Variants in ADAM12 observed in about 807,000 individuals in gnomAD.
ADAM12 encodes disintegrin and metalloproteinase domain-containing protein 12.
Under a neutral mutation model 106.4 loss-of-function variants are expected in ADAM12, and 70 were observed. The ratio of observed to expected loss-of-function variants is 0.66; its 90% CI spans 0.54 to 0.80. ADAM12 has a LOEUF of 0.80. Among genes scored for constraint, ADAM12 ranks in the 30% least tolerant of loss-of-function variants. The pLI, the probability that ADAM12 is intolerant of heterozygous loss-of-function variation, is 0.00. For missense variants in ADAM12, 1,010 were observed against 1,171.9 expected, an observed-to-expected ratio of 0.86 and a Z score of 2.02; for synonymous variants, 420 against 433.5, an observed-to-expected ratio of 0.97 and a Z score of 0.39.
Position 126,067,424 on chromosome 10 carries a change from G to A in ADAM12, c.1324-618C>T, listed in dbSNP as rs115666571. 7.9e-3 allele frequency among the ~76,000 whole-genome samples: 1,197 copies of A among 152,018 alleles called. 19 individuals are homozygous for A. Among genetic ancestry groups the A allele is most frequent in the African/African-American group, 0.028 (1,153 of 41,262 alleles). On this transcript the variant is annotated intron_variant, in intron 12 of 22. Coordinates refer to ENST00000448723, the MANE Select transcript of ADAM12 (RefSeq NM_001288973.2). ...CAAGCAAGTGGCCGGCAGGAGGCCTGTGGGCTGTGCCCATTGATTTGCGAG... is the reference window on the plus strand; with the variant it reads ...CAAGCAAGTGGCCGGCAGGAGGCCTATGGGCTGTGCCCATTGATTTGCGAG...
At chr10:126,317,358 A>G (rs1853915467) in intron 2 of ADAM12, among the ~76,000 whole-genome samples, 1 of 152,194 alleles carries the variant, frequency 6.6e-6, no homozygotes, top group African/African-American at 2.4e-5. Flanking sequence ...TTTTTGACCA[A>G]ATCTTTAAAC....
intron 1 of ADAM12, among the ~76,000 whole-genome samples, chr10:126,361,685 A>G (rs189719385): frequency 1.3e-5 from 2 of 152,320 alleles, no homozygotes; most frequent in East Asian, 3.9e-4. Flanking sequence ...ACATGATAGA[A>G]AAAGTGCAGT....
chr10:126,204,969 T>G (rs1258238868), intron 3 of ADAM12, among the ~76,000 whole-genome samples: 1 of 152,196 alleles, frequency 6.6e-6, no homozygotes, highest in East Asian at 1.9e-4. Flanking sequence ...CCCAGGTTCT[T>G]GGCCAGGGTG....
chr10:126,330,866 C>G (rs1426090501), intron 1 of ADAM12, among the ~76,000 whole-genome samples: 1 of 152,186 alleles, frequency 6.6e-6, no homozygotes, highest in Non-Finnish European at 1.5e-5. Flanking sequence ...AGGATCTGCT[C>G]TGTATTAAAA....
chr10:126,332,182 C>T (rs575305869), intron 1 of ADAM12, among the ~76,000 whole-genome samples: 1 of 152,214 alleles, frequency 6.6e-6, no homozygotes, highest in Non-Finnish European at 1.5e-5. Flanking sequence ...TGGTGACAGG[C>T]ACTCTTGTCA....
At chr10:126,245,046 G>T (rs1414455590) in intron 3 of ADAM12, among the ~76,000 whole-genome samples, 1 of 152,204 alleles carries the variant, frequency 6.6e-6, no homozygotes. Context: ...ATGGTAAGCA[G>T]GAGCAAATGC....
At chr10:126,283,733 G>A (rs1179347957) in intron 2 of ADAM12, among the ~76,000 whole-genome samples, 1 of 152,074 alleles carries the variant, frequency 6.6e-6, no homozygotes, top group Non-Finnish European at 1.5e-5. Flanking sequence ...TGTTTAATGT[G>A]TGACAAATAT....
At chr10:126,178,212 CA>C (rs11390365) in intron 3 of ADAM12, among the ~76,000 whole-genome samples, 195 of 147,064 alleles carry the variant, frequency 1.3e-3, no homozygotes, top group Middle Eastern at 0.011. Flanking sequence ...CTCAAACAGT[CA>C]AAAAAAAAAA....
At chr10:126,280,382 C>T (rs559518372) in intron 2 of ADAM12, among the ~76,000 whole-genome samples, 24 of 152,232 alleles carry the variant, frequency 1.6e-4, no homozygotes, top group African/African-American at 5.5e-4. Flanking sequence ...CCATTAGCCG[C>T]ATATGGCTAT....
intron 3 of ADAM12, among the ~76,000 whole-genome samples, chr10:126,193,122 G>A (rs539542422): frequency 9.2e-5 from 14 of 152,006 alleles, no homozygotes; most frequent in African/African-American, 2.2e-4. Flanking sequence ...AAAATTAGCC[G>A]GGTGTGATGG....
intron 3 of ADAM12, among the ~76,000 whole-genome samples, chr10:126,264,319 T>C (rs1477860006): frequency 6.6e-6 from 1 of 152,210 alleles, no homozygotes; most frequent in Non-Finnish European, 1.5e-5. Flanking sequence ...CAAAATCCTC[T>C]AGGCCAGTTG....
At chr10:126,155,404 C>CA (rs1956797222) in intron 3 of ADAM12, 99 bp from the exon 4 acceptor site, 5 of 807,502 alleles carry the variant, frequency 6.2e-6, no homozygotes, top group Non-Finnish European at 9.2e-6. Context: ...TTGTGACCTC[C>CA]TTTTTTTTTT....
At chr10:126,284,763 C>A (rs914337203) in intron 2 of ADAM12, among the ~76,000 whole-genome samples, 4 of 152,174 alleles carry the variant, frequency 2.6e-5, no homozygotes, top group African/African-American at 4.8e-5. Context: ...TCTGCAGCTG[C>A]TTTTGTGATC....
In ADAM12 at chr10:126,053,775, G is replaced by A. The variant is rs11244792; in HGVS notation, c.1610-4106C>T. ...GGCTCGAGTGCAATGGTGTGATCTCGGCTCACTGCAACCTCTGCCTCCCGG... is the reference window on the plus strand; with the variant it reads ...GGCTCGAGTGCAATGGTGTGATCTCAGCTCACTGCAACCTCTGCCTCCCGG... On this transcript the variant is annotated intron_variant, in intron 14 of 22. Transcript: ENST00000448723. This position sits in a 1 kb window ranked among gnomAD's most constrained non-coding sequence, Gnocchi z 4.6. 0.11 allele frequency among the ~76,000 whole-genome samples: 16,649 copies of A among 151,320 alleles called. 1,659 individuals carry two copies. The highest frequency in any genetic ancestry group is 0.39 in the East Asian group (2,022 of 5,148).
At chr10:126,117,908 A>G in intron 6 of ADAM12, 130 bp downstream of exon 6, 1 of 1,017,698 alleles carries the variant, frequency 9.8e-7, no homozygotes, top group Non-Finnish European at 1.5e-6. Flanking sequence ...CCTCCAGATA[A>G]ACTGGGCACT....
chr10:126,154,026 T>C (rs907062788), intron 4 of ADAM12, among the ~76,000 whole-genome samples: 23 of 152,198 alleles, frequency 1.5e-4, no homozygotes, highest in African/African-American at 5.3e-4. Flanking sequence ...TTGGAAGAGT[T>C]CTTTTTGTCT....
At chr10:126,131,170 C>T (rs944012112) in intron 5 of ADAM12, among the ~76,000 whole-genome samples, 2 of 148,520 alleles carry the variant, frequency 1.3e-5, no homozygotes, top group Non-Finnish European at 3.0e-5. Flanking sequence ...TACATTCACC[C>T]CTTCCCTGCT....
At chr10:126,120,062 T>A (rs1208867324) in intron 5 of ADAM12, among the ~76,000 whole-genome samples, 2 of 152,174 alleles carry the variant, frequency 1.3e-5, no homozygotes, top group East Asian at 3.8e-4. Context: ...ACACAAAATT[T>A]TCATGTAAAA....
At chr10:126,319,084 G>A (rs1305998011) in intron 2 of ADAM12, among the ~76,000 whole-genome samples, 1 of 152,070 alleles carries the variant, frequency 6.6e-6, no homozygotes, top group African/African-American at 2.4e-5. Context: ...GATTTGGGTG[G>A]GGACACTGCC....
Sources: gnomAD v4.1 joint callset for allele counts (sites outside exome capture counted in the v4.1 genomes callset) on GRCh38, gnomAD v4.1.1 for gene constraint, Gnocchi (gnomAD v3.1) non-coding constraint, MANE v1.5 for transcripts, NCBI Gene and HGNC (gene_info 2026-07-23, HGNC 2026-07-21) for gene names.